VPS8: variants seen among roughly 807,000 people sequenced by gnomAD.
The protein encoded by VPS8 is VPS8 subunit of CORVET complex, also known as vacuolar protein sorting-associated protein 8 homolog.
VPS8 carries 129 observed loss-of-function variants against 216.4 expected under a neutral mutation model. That is an observed-to-expected ratio of 0.60 (90% CI 0.52 to 0.69). The LOEUF (loss-of-function observed/expected upper bound fraction) is 0.69, where lower values mean the gene tolerates loss of function less well. VPS8 is among the 30% of genes least tolerant of loss of function. The pLI is 0.00. For missense variants in VPS8, 1,531 were observed against 1,683.5 expected, an observed-to-expected ratio of 0.91 and a Z score of 1.59; for synonymous variants, 571 against 565.4, an observed-to-expected ratio of 1.01 and a Z score of -0.14.
intron 8 of VPS8, among the ~76,000 whole-genome samples, chr3:184,848,564 C>CTTT (rs35715889): frequency 3.6e-3 from 313 of 87,156 alleles, no homozygotes; most frequent in Non-Finnish European, 4.9e-3. Context: ...TTCCTGTATT[C>CTTT]TTTTTTTTTT....
At chr3:184,931,882 C>T (rs1183686066) in intron 34 of VPS8, among the ~76,000 whole-genome samples, 1 of 152,116 alleles carries the variant, frequency 6.6e-6, no homozygotes, top group African/African-American at 2.4e-5. Context: ...CTGCATTATA[C>T]AGTGGTTTGA....
intron 21 of VPS8, among the ~76,000 whole-genome samples, chr3:184,878,813 C>T (rs1328419900): frequency 6.6e-6 from 1 of 152,098 alleles, no homozygotes; most frequent in African/African-American, 2.4e-5. Context: ...ATCTATATTG[C>T]TGTTTGGGAT....
chr3:184,943,077 A>G (rs1252114479), intron 36 of VPS8, among the ~76,000 whole-genome samples: 1 of 152,186 alleles, frequency 6.6e-6, no homozygotes, highest in African/African-American at 2.4e-5. Flanking sequence ...GATGCAGGGT[A>G]CACACACTTC....
intron 45 of VPS8, among the ~76,000 whole-genome samples, chr3:185,001,359 G>C (rs1753398184): frequency 6.6e-6 from 1 of 152,106 alleles, no homozygotes; most frequent in South Asian, 2.1e-4. Flanking sequence ...CCCCCTCTGA[G>C]GTTCCATAAT....
chr3:184,894,568 G>C, intron 22 of VPS8, 135 bp from the exon 23 acceptor site: 1 of 589,956 alleles, frequency 1.7e-6, no homozygotes, highest in Non-Finnish European at 2.9e-6. Flanking sequence ...ATAAAACTCT[G>C]TGAATATTAT....
intron 16 of VPS8, among the ~76,000 whole-genome samples, chr3:184,865,199 C>T (rs750362240): frequency 1.3e-5 from 2 of 152,180 alleles, no homozygotes; most frequent in Non-Finnish European, 2.9e-5. Context: ...GCCTAATGTA[C>T]GTGCAGTTAA....
intron 3 of VPS8, among the ~76,000 whole-genome samples, chr3:184,827,374 G>A (rs1167222317): frequency 6.6e-6 from 1 of 152,168 alleles, no homozygotes; most frequent in East Asian, 1.9e-4. Flanking sequence ...TATATGTTCT[G>A]TGTGAAGACT....
chr3:185,034,613 TTG>T (rs780231864), intron 46 of VPS8, among the ~76,000 whole-genome samples: 5,939 of 95,370 alleles, frequency 0.062, 206 homozygotes, highest in African/African-American at 0.24. Flanking sequence ...GATAGTTTTG[TTG>T]TTGTTGTTGT....
chr3:184,904,471 CTTTAT>C (rs1438812125), intron 25 of VPS8, among the ~76,000 whole-genome samples: 1 of 152,066 alleles, frequency 6.6e-6, no homozygotes, highest in East Asian at 1.9e-4. Context: ...GGGTTTTGTC[CTTTAT>C]TTTATTGATA....
At chr3:185,013,692 A>G (rs900342296) in intron 45 of VPS8, among the ~76,000 whole-genome samples, 5 of 152,160 alleles carry the variant, frequency 3.3e-5, no homozygotes, top group Admixed American at 6.5e-5. Context: ...ACAACGGGCC[A>G]TATCATTTGA....
At chr3:184,833,326 G>A (rs1042633929) in intron 4 of VPS8, among the ~76,000 whole-genome samples, 1 of 152,108 alleles carries the variant, frequency 6.6e-6, no homozygotes, top group African/African-American at 2.4e-5. Context: ...ACTATGAAAA[G>A]GAAAGAGAAT....
At chr3:184,984,014 C>T (rs1166316230) in intron 42 of VPS8, among the ~76,000 whole-genome samples, 2 of 150,006 alleles carry the variant, frequency 1.3e-5, no homozygotes, top group Non-Finnish European at 3.0e-5. Context: ...GAAACCCCGT[C>T]TCTACTAAAA....
In VPS8 at chr3:184,855,783, G is replaced by A. The variant is rs778128531; in HGVS notation, c.1108G>A (p.Ala370Thr). Residue 370 changes from alanine to threonine, a missense_variant, in exon 14 of 48, where the codon GCC (alanine) becomes ACC (threonine). Physicochemically the swap from Ala to Thr is moderately conservative, Grantham distance 58. Transcript: ENST00000625842. ...AVQNYVNPML[A>T]FCRGDVVHFL... is the part of the protein sequence containing the mutation. ...ACAAAATTACGTGAATCCCATGCTT[G>A]CCTTCTGCAGAGGAGATGTTGTTCA... The A allele has an allele frequency of 3.7e-6, 6 of 1,613,452 alleles. No individual in the cohort carries two copies. The African/African-American group carries it at 4.0e-5, about 11-fold the overall frequency.
chr3:185,032,159 G>T (rs776917553), intron 46 of VPS8, among the ~76,000 whole-genome samples: 2 of 151,356 alleles, frequency 1.3e-5, no homozygotes, highest in Non-Finnish European at 2.9e-5. Context: ...GCGAGATTTT[G>T]TCTTAAAAAA....
intron 44 of VPS8, 26 bp downstream of exon 44, chr3:184,996,527 T>G (rs375763961): frequency 5.0e-6 from 8 of 1,588,094 alleles, no homozygotes; most frequent in Non-Finnish European, 6.9e-6. Flanking sequence ...AAATGTTACA[T>G]GTATGGTACA....
At chr3:184,956,169 T>G (rs1745565936) in intron 36 of VPS8, among the ~76,000 whole-genome samples, 1 of 152,188 alleles carries the variant, frequency 6.6e-6, no homozygotes, top group Non-Finnish European at 1.5e-5. Context: ...GACCCAAGCT[T>G]CTTATTAGTA....
intron 46 of VPS8, among the ~76,000 whole-genome samples, chr3:185,043,711 G>A (rs1001798312): frequency 1.3e-5 from 2 of 152,110 alleles, no homozygotes; most frequent in African/African-American, 4.8e-5. Flanking sequence ...CTGCTCTCTC[G>A]TTCTCTCTCA....
At chr3:184,887,094 G>T (rs368548279) in intron 22 of VPS8, among the ~76,000 whole-genome samples, 3 of 152,214 alleles carry the variant, frequency 2.0e-5, no homozygotes, top group East Asian at 1.9e-4. Context: ...TGTGATCCCA[G>T]CACTGTGGGA....
At position 184,915,073 on chromosome 3, in the gene VPS8, C is replaced by T; in HGVS notation, c.2262+20C>T. 6.2e-7 allele frequency: 1 copy of T among 1,611,024 alleles called. No homozygotes were observed. The highest frequency in any genetic ancestry group is 8.5e-7 in the Non-Finnish European group (1 of 1,177,182). On this transcript the variant is annotated intron_variant, in intron 27 of 47. Transcript: ENST00000625842. Reference sequence around the variant, plus strand: ...AACCAGGTTGGTACTATTTTTATAGCCTTTTGACTGTTCTCCGTCTCTGGT... The same window carrying T: ...AACCAGGTTGGTACTATTTTTATAGTCTTTTGACTGTTCTCCGTCTCTGGT...
Sources: gnomAD v4.1 joint callset for allele counts (sites outside exome capture counted in the v4.1 genomes callset) on GRCh38, gnomAD v4.1.1 for gene constraint, MANE v1.5 for transcripts, NCBI Gene and HGNC (gene_info 2026-07-23, HGNC 2026-07-21) for gene names.